AKAP6: variants seen among roughly 807,000 people sequenced by gnomAD.
AKAP6 encodes the protein A-kinase anchoring protein 6.
Under a neutral mutation model 188.5 loss-of-function variants are expected in AKAP6, and 58 were observed. The observed-to-expected ratio is 0.31, with a 90% confidence interval of 0.25 to 0.38. AKAP6 has a LOEUF of 0.38. AKAP6 is among the 10% of genes least tolerant of loss of function. The probability of loss-of-function intolerance (pLI) is 1.00; values close to 1 mark genes in which losing one functional copy is unlikely to be tolerated. For synonymous variants in AKAP6, 989 were observed against 998.6 expected (o/e 0.99, Z 0.18); for missense variants, 2,710 against 2,740.0 (o/e 0.99, Z 0.24).
intron 9 of AKAP6, among the ~76,000 whole-genome samples, chr14:32,698,594 T>C (rs1890500934): frequency 6.6e-6 from 1 of 152,102 alleles, no homozygotes; most frequent in South Asian, 2.1e-4. Context: ...ACTCTTCATG[T>C]TCCCCACTCA....
intron 1 of AKAP6, among the ~76,000 whole-genome samples, chr14:32,375,500 CA>C (rs35341541): frequency 0.01 from 1,314 of 127,750 alleles, 24 homozygotes; most frequent in African/African-American, 0.035. Context: ...TTAGAGTAAG[CA>C]AAAAAAAAAA....
At chr14:32,616,191 T>C (rs577166195) in intron 7 of AKAP6, among the ~76,000 whole-genome samples, 4 of 152,284 alleles carry the variant, frequency 2.6e-5, no homozygotes, top group African/African-American at 9.6e-5. Flanking sequence ...GAAAGCGGTG[T>C]AGGGATTTCT....
intron 12 of AKAP6, among the ~76,000 whole-genome samples, chr14:32,811,951 A>G (rs2034247786): frequency 6.6e-6 from 1 of 152,152 alleles, no homozygotes; most frequent in African/African-American, 2.4e-5. Context: ...ATGACTATTC[A>G]CCTTCTCTTT....
At chr14:32,663,385 T>C (rs1458091951) in intron 7 of AKAP6, among the ~76,000 whole-genome samples, 1 of 152,080 alleles carries the variant, frequency 6.6e-6, no homozygotes, top group African/African-American at 2.4e-5. Flanking sequence ...GAGTGTCTGC[T>C]GTGGGTCAGG....
chr14:32,674,191 G>C (rs572995583), intron 7 of AKAP6, among the ~76,000 whole-genome samples: 24 of 152,312 alleles, frequency 1.6e-4, no homozygotes, highest in Admixed American at 1.2e-3. Flanking sequence ...AAGGATGACA[G>C]GGGCATGGTG....
chr14:32,788,235 G>C (rs2033490148), intron 12 of AKAP6, among the ~76,000 whole-genome samples: 1 of 152,074 alleles, frequency 6.6e-6, no homozygotes, highest in Non-Finnish European at 1.5e-5. Flanking sequence ...TTAAGAGCTA[G>C]AGCCAGACTC....
chr14:32,715,684 G>A (rs8004002), intron 9 of AKAP6, among the ~76,000 whole-genome samples: 10,650 of 151,864 alleles, frequency 0.07, 489 homozygotes, highest in East Asian at 0.11. Context: ...ACCAAAAACA[G>A]GAAGACAAAC....
chr14:32,525,748 C>T (rs561225797), intron 2 of AKAP6, among the ~76,000 whole-genome samples: 20 of 152,222 alleles, frequency 1.3e-4, no homozygotes, highest in East Asian at 1.9e-4. Flanking sequence ...CAATTGAATT[C>T]GACTTCACAA....
rs540483147 is a variant in AKAP6 at position 32,753,768 on chromosome 14, C to A, written c.3372+17886C>A. On this transcript the variant is annotated intron_variant, in intron 11 of 13. Transcript: ENST00000280979. ...TATTCAATTTTCCCAACAATTTATT[C>A]AAGAGATTGTTATTTTCCCATGGCG... Among the ~76,000 whole-genome samples the A allele has an allele frequency of 8.4e-4, 128 of 151,506 alleles. 1 individual carries two copies. Among genetic ancestry groups the A allele is most frequent in the Non-Finnish European group, 1.5e-3 (105 of 67,802 alleles).
rs1437449754 is a variant in AKAP6 at position 32,834,531 on chromosome 14, G to GTGTTTTTTTTTTTTTTT, written c.*4727_*4728insGTTTTTTTTTTTTTTTT. The GTGTTTTTTTTTTTTTTT allele has an allele frequency of 7.7e-5, 7 of 90,554 alleles. No homozygotes were observed. The South Asian group carries it at 1.1e-3, about 15-fold the overall frequency. 5.6% of individuals were successfully genotyped at this position (90,554 alleles called of 1,614,324 possible). On this transcript the variant is annotated 3_prime_UTR_variant, in exon 14 of 14. Coordinates refer to ENST00000280979, the MANE Select transcript of AKAP6 (RefSeq NM_004274.5). ...ATCACACACTGCTTTTAGTTTCCAAGTCTTTTTTTTTTTTTTTTTTTTTAA... is the reference window on the plus strand; with the variant it reads ...ATCACACACTGCTTTTAGTTTCCAAGTGTTTTTTTTTTTTTTTTCTTTTTTTTTTTTTTTTTTTTTAA...
chr14:32,417,008 T>A (rs1889682450), intron 1 of AKAP6, among the ~76,000 whole-genome samples: 1 of 152,030 alleles, frequency 6.6e-6, no homozygotes, highest in South Asian at 2.1e-4. Flanking sequence ...AACCAGATAA[T>A]TTTTTGTATT....
intron 1 of AKAP6, among the ~76,000 whole-genome samples, chr14:32,334,066 A>G (rs1164374943): frequency 6.6e-6 from 1 of 152,146 alleles, no homozygotes; most frequent in African/African-American, 2.4e-5. Context: ...CGAAACAATC[A>G]TATTGACTGA....
At chr14:32,420,909 T>TTTTTTTTGTGTGTGTG (rs1555327187) in intron 1 of AKAP6, among the ~76,000 whole-genome samples, 5 of 146,520 alleles carry the variant, frequency 3.4e-5, no homozygotes, top group African/African-American at 1.3e-4. Flanking sequence ...GGAGATTGAT[T>TTTTTTTTGTGTGTGTG]TGTGTGTGTG....
In AKAP6 at chr14:32,824,897, C is replaced by A. The variant is rs1308206584; in HGVS notation, c.*42+82C>A. 5 of 1,093,454 alleles carry A rather than the reference C, an allele frequency of 4.6e-6. No homozygotes were observed. In the African/African-American group the frequency reaches 8.0e-5, roughly 17 times the overall value. 67.7% of individuals were successfully genotyped at this position (1,093,454 alleles called of 1,614,324 possible). A position where few individuals can be genotyped will look rare whatever the true frequency, so the allele number is the denominator to read the frequency against. On this transcript the variant is annotated intron_variant, in intron 13 of 13. Coordinates refer to ENST00000280979, the MANE Select transcript of AKAP6 (RefSeq NM_004274.5). ...AACCATGGCAGGAGAAAAGGCTAGTCAGAATGACCAGTTACGGCAGACAGT... is the reference window on the plus strand; with the variant it reads ...AACCATGGCAGGAGAAAAGGCTAGTAAGAATGACCAGTTACGGCAGACAGT...
At chr14:32,761,993 A>G (rs2032555982) in intron 11 of AKAP6, among the ~76,000 whole-genome samples, 2 of 152,168 alleles carry the variant, frequency 1.3e-5, no homozygotes, top group South Asian at 2.1e-4. Flanking sequence ...GGTGTTGTAA[A>G]TAGATTTCAA....
At chr14:32,732,306 T>C in intron 9 of AKAP6, 148 bp from the exon 10 acceptor site, 1 of 680,816 alleles carries the variant, frequency 1.5e-6, no homozygotes, top group South Asian at 2.0e-5. Context: ...ATTCTTCATC[T>C]ACTCAAAGTA....
At chr14:32,701,544 A>C (rs1457405195) in intron 9 of AKAP6, among the ~76,000 whole-genome samples, 1 of 152,140 alleles carries the variant, frequency 6.6e-6, no homozygotes, top group Admixed American at 6.5e-5. Context: ...AATAATTATT[A>C]AATATAAATA....
intron 9 of AKAP6, among the ~76,000 whole-genome samples, chr14:32,728,231 T>G (rs953061322): frequency 1.5e-5 from 1 of 65,174 alleles, no homozygotes; most frequent in Admixed American, 1.6e-4. Context: ...TTTTTTTTTT[T>G]GCAAAAATGC....
chr14:32,811,676 A>G (rs2034239504), intron 12 of AKAP6, among the ~76,000 whole-genome samples: 2 of 152,342 alleles, frequency 1.3e-5, no homozygotes, highest in East Asian at 1.9e-4. Context: ...CACCCAGCTC[A>G]TGTCTGGAGA....
Sources: allele counts gnomAD v4.1 joint callset (sites outside exome capture counted in the v4.1 genomes callset), GRCh38; gene constraint gnomAD v4.1.1; transcripts MANE v1.5; gene names NCBI Gene and HGNC (gene_info 2026-07-23, HGNC 2026-07-21).